The following PLEKHG1 variants were observed in gnomAD, a reference collection of about 807,000 sequenced individuals.
PLEKHG1 encodes the protein pleckstrin homology and RhoGEF domain containing G1.
In PLEKHG1, 44 loss-of-function variants were observed where a neutral mutation model predicts 100.8. The observed-to-expected ratio is 0.44, with a 90% CI of 0.34 to 0.56. The LOEUF is 0.56. Among genes scored for constraint, PLEKHG1 ranks in the 20% least tolerant of loss-of-function variants. The pLI is 0.01. For synonymous variants in PLEKHG1, 640 were observed against 662.5 expected (o/e 0.97, Z 0.52); for missense variants, 1,545 against 1,720.9 (o/e 0.90, Z 1.81).
At position 150,811,948 on chromosome 6, in the gene PLEKHG1, C is replaced by T. The variant is rs938114111; in HGVS notation, c.1278+2214C>T. Among the ~76,000 whole-genome samples, 4 of 152,284 alleles carry T rather than the reference C, an allele frequency of 2.6e-5. No homozygotes were observed. In the South Asian group the frequency reaches 8.3e-4, roughly 32 times the overall value. ...GCTGGAGAAGATAGTAACCCACCAC[C>T]ATGGCCTAGAAAGGAGCTGAGCAGT... On this transcript the variant is annotated intron_variant, in intron 10 of 15. Coordinates refer to ENST00000358517, the Ensembl canonical transcript of PLEKHG1.
In PLEKHG1 at chr6:150,733,915, C is replaced by T. The variant is rs200823733; in HGVS notation, c.234C>T (p.Asn78=). ...ACAACCCCGCCACGGGGCAACAGAACGCGGATGAGGGCAGCGAAAGGCCAC... is the reference window on the plus strand; with the variant it reads ...ACAACCCCGCCACGGGGCAACAGAATGCGGATGAGGGCAGCGAAAGGCCAC... Residue 78 remains asparagine, a synonymous_variant, in exon 2 of 16, where the codon AAC becomes AAT. Transcript: ENST00000358517. The T allele has an allele frequency of 3.1e-4, 504 of 1,614,162 alleles. 8 individuals are homozygous for T. In the South Asian group the frequency reaches 3.9e-3, roughly 13 times the overall value.
At chr6:150,649,645 G>A (rs953588381) in intron 2 of PLEKHG1, among the ~76,000 whole-genome samples, 2 of 152,220 alleles carry the variant, frequency 1.3e-5, no homozygotes, top group African/African-American at 4.8e-5. Context: ...GGGAGGCCGA[G>A]GCGGGCAGAT....
intron 3 of PLEKHG1, among the ~76,000 whole-genome samples, chr6:150,707,006 T>G (rs1224741886): frequency 1.9e-4 from 25 of 132,860 alleles, no homozygotes; most frequent in African/African-American, 6.8e-4. Flanking sequence ...TTCTTTTTTT[T>G]TTTTTTTTTT....
chr6:150,829,333 G>T (rs1776784054), intron 14 of PLEKHG1, among the ~76,000 whole-genome samples: 1 of 152,170 alleles, frequency 6.6e-6, no homozygotes, highest in Non-Finnish European at 1.5e-5. Context: ...CACTAATTTG[G>T]CTGGGTGCAG....
chr6:150,724,330 C>T (rs1781847022), intron 1 of PLEKHG1, among the ~76,000 whole-genome samples: 1 of 152,182 alleles, frequency 6.6e-6, no homozygotes, highest in South Asian at 2.1e-4. Context: ...GGGAAATGTG[C>T]TCAGTGAAAA....
intron 3 of PLEKHG1, among the ~76,000 whole-genome samples, chr6:150,684,432 A>G (rs1220960539): frequency 6.6e-6 from 1 of 152,218 alleles, no homozygotes; most frequent in Non-Finnish European, 1.5e-5. Flanking sequence ...CTTGGGGACT[A>G]GTATTTGAAA....
At position 150,779,356 on chromosome 6, in the gene PLEKHG1, T is replaced by C. The variant is rs1030248813; in HGVS notation, c.513-7034T>C. 2.0e-5 allele frequency among the ~76,000 whole-genome samples: 3 copies of C among 147,204 alleles called. 1 individual carries two copies. Among genetic ancestry groups the C allele is most frequent in the Non-Finnish European group, 3.0e-5 (2 of 67,342 alleles). On this transcript the variant is annotated intron_variant, in intron 3 of 15. Transcript: ENST00000358517. The stretch of plus-strand genomic sequence containing the variant: ...ATATTGTCAAGAAGTTTTTTTTTTT[T>C]TTTTTTTGAGACAGAGTCTCGTTCT...
intron 1 of PLEKHG1, among the ~76,000 whole-genome samples, chr6:150,621,098 T>C (rs1026254053): frequency 7.2e-5 from 11 of 152,178 alleles, no homozygotes; most frequent in Non-Finnish European, 1.5e-4. Context: ...CACAAACTCC[T>C]GGAGTTGTTG....
At chr6:150,673,307 G>A (rs774862458) in intron 3 of PLEKHG1, among the ~76,000 whole-genome samples, 26 of 152,136 alleles carry the variant, frequency 1.7e-4, no homozygotes, top group African/African-American at 3.6e-4. Flanking sequence ...CTAGTACTGC[G>A]TTACTTTCAA....
intron 14 of PLEKHG1, among the ~76,000 whole-genome samples, chr6:150,828,957 AGAAAT>A (rs1347149200): frequency 6.6e-6 from 1 of 152,220 alleles, no homozygotes; most frequent in Admixed American, 6.5e-5. Context: ...ATGTGTGAAA[AGAAAT>A]AAATGGCTAA....
chr6:150,644,245 C>A (rs140587908), intron 2 of PLEKHG1, among the ~76,000 whole-genome samples: 1,563 of 151,556 alleles, frequency 0.01, 6 homozygotes, highest in Non-Finnish European at 0.016. Flanking sequence ...ATGCCAGAAC[C>A]AGAATTTGGC....
intron 2 of PLEKHG1, among the ~76,000 whole-genome samples, chr6:150,764,581 C>T (rs1784361904): frequency 6.6e-6 from 1 of 152,228 alleles, no homozygotes; most frequent in African/African-American, 2.4e-5. Flanking sequence ...TGTTTAGGCG[C>T]ACGCCCTGCT....
At chr6:150,656,037 G>A (rs1416482044) in intron 3 of PLEKHG1, among the ~76,000 whole-genome samples, 1 of 151,742 alleles carries the variant, frequency 6.6e-6, no homozygotes, top group African/African-American at 2.4e-5. Context: ...CATGGCACGT[G>A]TATACCTATG....
At chr6:150,740,305 G>T (rs1423502980) in intron 2 of PLEKHG1, among the ~76,000 whole-genome samples, 1 of 152,224 alleles carries the variant, frequency 6.6e-6, no homozygotes, top group Non-Finnish European at 1.5e-5. Flanking sequence ...GTTTGGTATG[G>T]AAAGGGCAGT....
intron 3 of PLEKHG1, among the ~76,000 whole-genome samples, chr6:150,694,763 G>T (rs1311502818): frequency 1.3e-5 from 2 of 151,588 alleles, no homozygotes; most frequent in Non-Finnish European, 2.9e-5. Context: ...CTCAAAAAAT[G>T]TTAGCTATAA....
At chr6:150,728,136 G>T (rs987781742) in intron 1 of PLEKHG1, among the ~76,000 whole-genome samples, 1 of 152,200 alleles carries the variant, frequency 6.6e-6, no homozygotes, top group African/African-American at 2.4e-5. Context: ...TGAGTTGTAT[G>T]TATCTCTGCA....
At chr6:150,617,746 CT>C (rs1373149515) in intron 1 of PLEKHG1, among the ~76,000 whole-genome samples, 1 of 152,204 alleles carries the variant, frequency 6.6e-6, no homozygotes, top group African/African-American at 2.4e-5. Context: ...TTCACCAGGG[CT>C]TAAAATGCAG....
chr6:150,676,399 A>G (rs1779759565), intron 3 of PLEKHG1, among the ~76,000 whole-genome samples: 1 of 152,238 alleles, frequency 6.6e-6, no homozygotes. Flanking sequence ...TATCAAATAA[A>G]CGGAAGTCAA....
At chr6:150,636,355 A>T (rs1189575921) in intron 1 of PLEKHG1, among the ~76,000 whole-genome samples, 1 of 152,140 alleles carries the variant, frequency 6.6e-6, no homozygotes, top group East Asian at 1.9e-4. Context: ...GGAGAGAGAA[A>T]CAGCATTGTG....
Sources: gnomAD v4.1 joint callset for allele counts (sites outside exome capture counted in the v4.1 genomes callset) on GRCh38, gnomAD v4.1.1 for gene constraint, MANE v1.5 for transcripts, NCBI Gene and HGNC (gene_info 2026-07-23, HGNC 2026-07-21) for gene names.